Variants in INPP4B observed in about 807,000 individuals in gnomAD.
The protein encoded by INPP4B is inositol polyphosphate 4-phosphatase type II.
INPP4B carries 55 observed loss-of-function variants against 122.5 expected under a neutral mutation model. The ratio of observed to expected loss-of-function variants is 0.45; its 90% CI spans 0.36 to 0.56. The LOEUF is 0.56. Ranked by LOEUF, INPP4B falls within the 20% of genes least tolerant of loss-of-function variation. INPP4B has a pLI of 0.00. For missense variants in INPP4B, 1,000 were observed against 1,097.7 expected (o/e 0.91, Z 1.26); for synonymous variants, 403 against 388.7 (o/e 1.04, Z -0.43).
intron 5 of INPP4B, among the ~76,000 whole-genome samples, chr4:142,413,391 TAAACTAA>T (rs1333325214): frequency 6.6e-6 from 1 of 152,052 alleles, no homozygotes; most frequent in Non-Finnish European, 1.5e-5. Flanking sequence ...TACATACACA[TAAACTAA>T]ATGAGTGAAT....
At chr4:142,169,914 A>G (rs977694473) in intron 16 of INPP4B, among the ~76,000 whole-genome samples, 3 of 151,716 alleles carry the variant, frequency 2.0e-5, no homozygotes, top group South Asian at 2.1e-4. Context: ...ATCAATCTCA[A>G]TGGAATGGAG....
At chr4:142,283,883 T>C (rs1003400184) in intron 9 of INPP4B, among the ~76,000 whole-genome samples, 3 of 151,956 alleles carry the variant, frequency 2.0e-5, no homozygotes, top group African/African-American at 7.2e-5. Flanking sequence ...CCCTTTAACA[T>C]TTATAGGTGA....
chr4:142,280,413 G>A (rs899008839), intron 9 of INPP4B, among the ~76,000 whole-genome samples: 3 of 151,886 alleles, frequency 2.0e-5, no homozygotes, highest in African/African-American at 7.2e-5. Flanking sequence ...TAAAGACATT[G>A]GACTGAATGA....
At chr4:142,292,598 C>T (rs1461622003) in intron 9 of INPP4B, among the ~76,000 whole-genome samples, 1 of 152,130 alleles carries the variant, frequency 6.6e-6, no homozygotes, top group Non-Finnish European at 1.5e-5. Flanking sequence ...CTGAGAGAGA[C>T]TGCATCAGAG....
intron 9 of INPP4B, among the ~76,000 whole-genome samples, chr4:142,285,310 T>G (rs1375254569): frequency 6.6e-6 from 1 of 151,736 alleles, no homozygotes; most frequent in Non-Finnish European, 1.5e-5. Flanking sequence ...AATGCTGAAC[T>G]GAGACAGAGT....
chr4:142,752,802 A>G (rs950286931), intron 1 of INPP4B, among the ~76,000 whole-genome samples: 28 of 152,082 alleles, frequency 1.8e-4, no homozygotes, highest in Admixed American at 1.7e-3. Flanking sequence ...TATCAGCCAC[A>G]TTTTCCTGTA....
intron 2 of INPP4B, among the ~76,000 whole-genome samples, chr4:142,568,011 G>A (rs537137551): frequency 1.3e-5 from 2 of 152,152 alleles, no homozygotes; most frequent in African/African-American, 4.8e-5. Context: ...ACAGAGCAAG[G>A]CTTCAATTAA....
At chr4:142,079,777 T>C (rs1287843739) in intron 25 of INPP4B, among the ~76,000 whole-genome samples, 1 of 152,072 alleles carries the variant, frequency 6.6e-6, no homozygotes, top group East Asian at 1.9e-4. Flanking sequence ...GCTGATTTAC[T>C]TAAATAGGGA....
intron 2 of INPP4B, among the ~76,000 whole-genome samples, chr4:142,641,087 T>A (rs1371571494): frequency 6.6e-6 from 1 of 152,030 alleles, no homozygotes; most frequent in African/African-American, 2.4e-5. Context: ...AATACTATCA[T>A]AAATGCACAT....
chr4:142,398,194 T>G (rs1800001764), intron 7 of INPP4B, among the ~76,000 whole-genome samples: 1 of 150,606 alleles, frequency 6.6e-6, no homozygotes, highest in South Asian at 2.1e-4. Context: ...GCTAACACGG[T>G]GAAACCCCGT....
At chr4:142,183,313 C>T (rs1292332521) in intron 15 of INPP4B, among the ~76,000 whole-genome samples, 1 of 152,116 alleles carries the variant, frequency 6.6e-6, no homozygotes, top group Non-Finnish European at 1.5e-5. Context: ...GGGGTTACCA[C>T]AATAATCAAT....
chr4:142,524,042 TA>T (rs1168713963), intron 2 of INPP4B, among the ~76,000 whole-genome samples: 1 of 151,050 alleles, frequency 6.6e-6, no homozygotes. Context: ...CACATTTTCT[TA>T]ATCCAGTCTA....
At chr4:142,638,332 A>G (rs1749611217) in intron 2 of INPP4B, among the ~76,000 whole-genome samples, 1 of 152,108 alleles carries the variant, frequency 6.6e-6, no homozygotes, top group East Asian at 1.9e-4. Context: ...GGCATTTTAC[A>G]TTTAAGTCTA....
At chr4:142,370,646 ATAAC>A (rs1329005033) in intron 7 of INPP4B, among the ~76,000 whole-genome samples, 2 of 152,120 alleles carry the variant, frequency 1.3e-5, no homozygotes, top group Non-Finnish European at 2.9e-5. Context: ...TCTATACAAA[ATAAC>A]TAACTGAAAA....
At position 142,289,827 on chromosome 4, in the gene INPP4B, A is replaced by G. The variant is rs147300935; in HGVS notation, c.503+15631T>C. On this transcript the variant is annotated intron_variant, in intron 9 of 25. Transcript: ENST00000262992. ...CTTCATTGTTCCCCAAATCTAGACCAAAACTATTTAATTAAGTTTTGTTTC... is the reference window on the plus strand; with the variant it reads ...CTTCATTGTTCCCCAAATCTAGACCGAAACTATTTAATTAAGTTTTGTTTC... Among the ~76,000 whole-genome samples the G allele has an allele frequency of 1.2e-4, 19 of 152,288 alleles. No individual in the cohort carries two copies. The East Asian group carries it at 3.7e-3, about 29-fold the overall frequency.
chr4:142,333,870 T>C (rs1775602703), intron 7 of INPP4B, among the ~76,000 whole-genome samples: 1 of 152,126 alleles, frequency 6.6e-6, no homozygotes, highest in Admixed American at 6.5e-5. Flanking sequence ...CCTTTTTGTG[T>C]GTGCGATGAG....
At chr4:142,113,214 A>G (rs1052296969) in intron 21 of INPP4B, among the ~76,000 whole-genome samples, 9 of 152,078 alleles carry the variant, frequency 5.9e-5, no homozygotes, top group African/African-American at 2.2e-4. Flanking sequence ...TGAAACATTA[A>G]CATATCACAG....
At chr4:142,806,113 A>G (rs1353695078) in intron 1 of INPP4B, among the ~76,000 whole-genome samples, 2 of 151,896 alleles carry the variant, frequency 1.3e-5, no homozygotes, top group Non-Finnish European at 2.9e-5. Flanking sequence ...CCCCGTCTGT[A>G]CTAAAAATAC....
chr4:142,564,453 AAGAAAGAAAGAAAG>A (rs1443134273), intron 2 of INPP4B, among the ~76,000 whole-genome samples: 3,540 of 123,056 alleles, frequency 0.029, 154 homozygotes, highest in African/African-American at 0.098. Context: ...AAAAAAAAAA[AAGAAAGAAAGAAAG>A]AAAGAAAGAA....
Sources: allele counts gnomAD v4.1 joint callset (sites outside exome capture counted in the v4.1 genomes callset), GRCh38; gene constraint gnomAD v4.1.1; transcripts MANE v1.5; gene names NCBI Gene and HGNC (gene_info 2026-07-23, HGNC 2026-07-21).